Variants in CYS1 observed in about 807,000 individuals in gnomAD.
CYS1 encodes the protein cystin 1.
A neutral mutation model predicts 9.6 loss-of-function variants in CYS1; 5 were observed. The observed-to-expected ratio is 0.52, with a 90% confidence interval of 0.27 to 1.10. The LOEUF is 1.10. CYS1 is among the 50% of genes least tolerant of loss of function. The probability of loss-of-function intolerance (pLI) is 0.11; values close to 1 mark genes in which losing one functional copy is unlikely to be tolerated. For missense variants in CYS1, 221 were observed against 207.9 expected (o/e 1.06, Z -0.39); for synonymous variants, 88 against 95.7 (o/e 0.92, Z 0.47).
At chr2:10,059,585 T>C (rs973151398) in intron 2 of CYS1, among the ~76,000 whole-genome samples, 3 of 152,236 alleles carry the variant, frequency 2.0e-5, no homozygotes, top group Non-Finnish European at 4.4e-5. Flanking sequence ...TAATCCCAGC[T>C]ACTCAGGAGG....
At chr2:10,065,383 C>T (rs903534521) in intron 2 of CYS1, among the ~76,000 whole-genome samples, 38 of 152,372 alleles carry the variant, frequency 2.5e-4, no homozygotes, top group African/African-American at 8.9e-4. Context: ...GGTGGAAAGA[C>T]ATCCCTGGAG....
chr2:10,076,138 G>A lies in CYS1; in HGVS notation c.318+3768C>T, dbSNP rs1661839747. Among the ~76,000 whole-genome samples, 1 of 152,102 alleles carries A rather than the reference G, an allele frequency of 6.6e-6. No individual in the cohort carries two copies. Among genetic ancestry groups the A allele is most frequent in the Non-Finnish European group, 1.5e-5 (1 of 68,028 alleles). On this transcript the variant is annotated intron_variant, in intron 1 of 2. Transcript: ENST00000381813. This position sits in a 1 kb window ranked among gnomAD's most constrained non-coding sequence, Gnocchi z 4.3. ...CTGGAGGCAGAGGTTGCAGTGAGCC[G>A]ATGCACTCCAGCCTGGGCGACAGAC...
At chr2:10,062,955 C>T (rs1661647862) in intron 2 of CYS1, among the ~76,000 whole-genome samples, 1 of 152,216 alleles carries the variant, frequency 6.6e-6, no homozygotes, top group Non-Finnish European at 1.5e-5. Context: ...CCTGGGCTTC[C>T]ACTAGCCCTT....
intron 1 of CYS1, among the ~76,000 whole-genome samples, chr2:10,079,377 C>G (rs559769677): frequency 2.6e-5 from 4 of 152,314 alleles, no homozygotes; most frequent in Non-Finnish European, 5.9e-5. Context: ...AACCAGAGTG[C>G]TTGTTTTATT....
intron 1 of CYS1, among the ~76,000 whole-genome samples, chr2:10,071,888 G>A (rs897775623): frequency 1.3e-5 from 2 of 152,096 alleles, no homozygotes; most frequent in African/African-American, 2.4e-5. Context: ...GTGTGTGTGC[G>A]CCCTGTTTGT....
intron 2 of CYS1, among the ~76,000 whole-genome samples, chr2:10,062,791 G>C (rs971899888): frequency 1.3e-5 from 2 of 152,242 alleles, no homozygotes; most frequent in Non-Finnish European, 2.9e-5. Context: ...AAATGGGGAG[G>C]AGTAACCTCT....
At chr2:10,078,260 C>G (rs1661887128) in intron 1 of CYS1, among the ~76,000 whole-genome samples, 1 of 152,164 alleles carries the variant, frequency 6.6e-6, no homozygotes, top group African/African-American at 2.4e-5. Context: ...CCACCTGGAT[C>G]ATTGCAGACT....
chr2:10,060,584 G>C (rs1422513949), intron 2 of CYS1, among the ~76,000 whole-genome samples: 1 of 152,252 alleles, frequency 6.6e-6, no homozygotes, highest in Admixed American at 6.5e-5. Context: ...ACTGCCCGCG[G>C]CCAGTGCGCA....
intron 2 of CYS1, among the ~76,000 whole-genome samples, chr2:10,060,076 C>T (rs936565285): frequency 6.6e-6 from 1 of 152,242 alleles, no homozygotes; most frequent in African/African-American, 2.4e-5. Context: ...CATGAAGCCT[C>T]GGTCAGGCTG....
At position 10,058,768 on chromosome 2, in the gene CYS1, A is replaced by G; in HGVS notation, c.*85T>C. 4 of 1,215,194 alleles carry G rather than the reference A, an allele frequency of 3.3e-6. No individual in the cohort carries two copies. Among genetic ancestry groups the G allele is most frequent in the Non-Finnish European group, 4.6e-6 (4 of 875,708 alleles). The allele number at this position is 1,215,194 out of a possible 1,614,324, so 75.3% of individuals were successfully genotyped here. The stretch of plus-strand genomic sequence containing the variant: ...AGTGACTGCGTTTTGGAGGTGGTTC[A>G]GCTCCTGCTAGAGCTCTGTGCAAGC... On this transcript the variant is annotated 3_prime_UTR_variant, in exon 3 of 3. Coordinates refer to ENST00000381813, the MANE Select transcript of CYS1 (RefSeq NM_001037160.3).
intron 1 of CYS1, among the ~76,000 whole-genome samples, chr2:10,068,508 A>G (rs751416874): frequency 2.6e-5 from 4 of 152,212 alleles, no homozygotes; most frequent in Admixed American, 6.5e-5. Flanking sequence ...AACCACTTCA[A>G]ATTAAATCTA....
chr2:10,067,038 A>G (rs1661707130), intron 1 of CYS1, among the ~76,000 whole-genome samples: 2 of 152,180 alleles, frequency 1.3e-5, no homozygotes, highest in Non-Finnish European at 2.9e-5. Context: ...TTTTTGAGAC[A>G]GAGTTTTGCT....
intron 1 of CYS1, among the ~76,000 whole-genome samples, chr2:10,078,519 C>T (rs13021733): frequency 0.47 from 71,909 of 152,106 alleles, 18,415 homozygotes; most frequent in East Asian, 0.69. Context: ...GCCCCAGCCA[C>T]CAGTGACATT....
chr2:10,068,686 G>T (rs1572457543), intron 1 of CYS1, among the ~76,000 whole-genome samples: 1 of 152,332 alleles, frequency 6.6e-6, no homozygotes, highest in Non-Finnish European at 1.5e-5. Context: ...CACTCCAACT[G>T]CATGTGCTAG....
At chr2:10,064,196 C>G (rs565381258) in intron 2 of CYS1, among the ~76,000 whole-genome samples, 3 of 151,904 alleles carry the variant, frequency 2.0e-5, no homozygotes, top group Admixed American at 6.6e-5. Context: ...GCACTCCAGC[C>G]TGGATGACAA....
At chr2:10,066,067 A>G in intron 1 of CYS1, 111 bp from the exon 2 acceptor site, 5 of 1,247,756 alleles carry the variant, frequency 4.0e-6, no homozygotes, top group East Asian at 2.4e-5. Context: ...CCCAGGATCC[A>G]TAAGCCTCGG....
chr2:10,066,588 T>C (rs1046521177), intron 1 of CYS1, among the ~76,000 whole-genome samples: 6 of 152,242 alleles, frequency 3.9e-5, no homozygotes, highest in East Asian at 3.8e-4. Context: ...AACCACCCTG[T>C]CTCATTCCTG....
intron 1 of CYS1, 65 bp downstream of exon 1, chr2:10,079,841 G>C: frequency 1.0e-6 from 1 of 992,672 alleles, no homozygotes; most frequent in Non-Finnish European, 1.2e-6. Flanking sequence ...GGGCTGGGGC[G>C]GGGACGCGCG....
intron 2 of CYS1, among the ~76,000 whole-genome samples, chr2:10,065,017 T>TA (rs1661676648): frequency 6.6e-6 from 1 of 151,996 alleles, no homozygotes. Context: ...GCTGGGATTA[T>TA]AGGCGTGAGC....
Sources: allele counts gnomAD v4.1 joint callset (sites outside exome capture counted in the v4.1 genomes callset), GRCh38; gene constraint gnomAD v4.1.1; non-coding constraint Gnocchi (gnomAD v3.1); transcripts MANE v1.5; gene names NCBI Gene and HGNC (gene_info 2026-07-23, HGNC 2026-07-21).